The following FAM222B variants were observed in gnomAD, a reference collection of about 807,000 sequenced individuals.
FAM222B encodes family with sequence similarity 222 member B, also known as protein FAM222B.
A neutral mutation model predicts 38.0 loss-of-function variants in FAM222B; 12 were observed. That is an observed-to-expected ratio of 0.32 (90% confidence interval 0.20 to 0.51). FAM222B has a LOEUF of 0.51. Among genes scored for constraint, FAM222B ranks in the 20% least tolerant of loss-of-function variants. The pLI is 0.97. For missense variants in FAM222B, 716 were observed against 754.2 expected (o/e 0.95, Z 0.59); for synonymous variants, 329 against 317.2 (o/e 1.04, Z -0.40).
intron 1 of FAM222B, among the ~76,000 whole-genome samples, chr17:28,850,500 G>C (rs937520591): frequency 2.0e-5 from 3 of 151,830 alleles, no homozygotes; most frequent in African/African-American, 7.3e-5. Flanking sequence ...GAGTTTCACC[G>C]TGTTAGCCAG....
chr17:28,784,491 T>TAAAAAAAAAAAAAAAA lies in FAM222B; in HGVS notation c.-40-17800_-40-17785dup, dbSNP rs559624246. 3.3e-4 allele frequency among the ~76,000 whole-genome samples: 12 copies of TAAAAAAAAAAAAAAAA among 36,048 alleles called. 2 individuals are homozygous for TAAAAAAAAAAAAAAAA. Among genetic ancestry groups the TAAAAAAAAAAAAAAAA allele is most frequent in the Non-Finnish European group, 4.5e-4 (9 of 19,930 alleles). The allele number at this position is 36,048 out of a possible 152,430, so 23.6% of individuals were successfully genotyped here. On this transcript the variant is annotated intron_variant, in intron 1 of 2. Coordinates refer to ENST00000581407, the MANE Select transcript of FAM222B (RefSeq NM_001077498.3). ...AACAACAGAGTAAGATCCCCTCTCT[T>TAAAAAAAAAAAAAAAA]AAAAAAAAAAAAAAAAAAAAAAAAA...
intron 1 of FAM222B, among the ~76,000 whole-genome samples, chr17:28,799,007 A>C (rs2037082679): frequency 7.2e-6 from 1 of 138,336 alleles, no homozygotes; most frequent in African/African-American, 2.7e-5. Context: ...ATGGAGTCTC[A>C]CTCTGTTGAC....
chr17:28,759,836 G>A lies in FAM222B; in HGVS notation c.123C>T (p.Thr41=). 1.9e-6 allele frequency: 3 copies of A among 1,573,192 alleles called. No homozygotes were observed. The highest frequency in any genetic ancestry group is 2.6e-6 in the Non-Finnish European group (3 of 1,159,324). The change falls in exon 3 of 3, where the codon ACC becomes ACT. Residue 41 remains threonine, a synonymous_variant. Transcript: ENST00000581407. The surrounding 1 kb of genome is among the most constrained non-coding windows in gnomAD (Gnocchi z 4.8). The part of the protein sequence containing the change: ...TQKMRTAHYP[T]PAELDAYAKK... ...TAGCATACGCATCCAATTCGGCTGG[G>A]GTAGGATAGTGAGCAGTTCTCATTT...
chr17:28,814,770 C>CTTTTTT (rs35921944), intron 1 of FAM222B, among the ~76,000 whole-genome samples: 2 of 117,604 alleles, frequency 1.7e-5, no homozygotes, highest in Non-Finnish European at 1.7e-5. Flanking sequence ...CCAGGCCGAT[C>CTTTTTT]TTTTTTTTTT....
At chr17:28,853,355 C>A (rs2039196543) in intron 1 of FAM222B, among the ~76,000 whole-genome samples, 1 of 151,260 alleles carries the variant, frequency 6.6e-6, no homozygotes, top group East Asian at 2.0e-4. Flanking sequence ...GAGAGCAAGA[C>A]CCTGTCTCAA....
chr17:28,852,717 A>G (rs1011946082), intron 1 of FAM222B, among the ~76,000 whole-genome samples: 3 of 152,116 alleles, frequency 2.0e-5, no homozygotes, highest in African/African-American at 7.2e-5. Context: ...CTGGTCCTCA[A>G]TATCCAAGGG....
At chr17:28,799,676 T>C (rs2037126720) in intron 1 of FAM222B, among the ~76,000 whole-genome samples, 1 of 152,140 alleles carries the variant, frequency 6.6e-6, no homozygotes. Context: ...TGCACCACTA[T>C]AGCTCACTGC....
intron 1 of FAM222B, among the ~76,000 whole-genome samples, chr17:28,819,855 C>G (rs922768216): frequency 1.3e-5 from 2 of 152,170 alleles, no homozygotes; most frequent in African/African-American, 4.8e-5. Context: ...GCATGTCATT[C>G]AAGGACCCTT....
chr17:28,822,820 AAAAAAAAAAAAAATATAT>A (rs2038288059), intron 1 of FAM222B, among the ~76,000 whole-genome samples: 2 of 100,462 alleles, frequency 2.0e-5, no homozygotes, highest in African/African-American at 4.9e-5. Context: ...AAAAAAAAAA[AAAAAAAAAAAAAATATAT>A]ATATATATAT....
At chr17:28,778,885 A>T (rs528871468) in intron 1 of FAM222B, among the ~76,000 whole-genome samples, 2 of 151,058 alleles carry the variant, frequency 1.3e-5, no homozygotes, top group East Asian at 3.9e-4. Flanking sequence ...ACGTTATATA[A>T]TAGACTTGAG....
rs138442608 is a variant in FAM222B at position 28,772,132 on chromosome 17, C to T, written c.-40-5425G>A. Among the ~76,000 whole-genome samples the T allele has an allele frequency of 8.5e-5, 13 of 152,206 alleles. 1 individual carries two copies. In the South Asian group the frequency reaches 1.4e-3, roughly 17 times the overall value. ...AACCAAAAACCTCAACCTTAAGAAACGTTCACATCTGTATAGCTAATACTC... is the reference window on the plus strand; with the variant it reads ...AACCAAAAACCTCAACCTTAAGAAATGTTCACATCTGTATAGCTAATACTC... On this transcript the variant is annotated intron_variant, in intron 1 of 2. Coordinates refer to ENST00000581407, the MANE Select transcript of FAM222B (RefSeq NM_001077498.3).
chr17:28,844,668 A>G (rs1411745943), upstream of FAM222B, among the ~76,000 whole-genome samples: 3 of 152,256 alleles, frequency 2.0e-5, no homozygotes, highest in African/African-American at 7.2e-5. Context: ...AAAAGAAAAA[A>G]AAATTAAAAA....
chr17:28,822,802 C>CAAAAAA (rs71135859), intron 1 of FAM222B, among the ~76,000 whole-genome samples: 2 of 9,882 alleles, frequency 2.0e-4, no homozygotes, highest in African/African-American at 3.4e-4. Context: ...GACTCCATCT[C>CAAAAAA]AAAAAAAAAA....
intron 1 of FAM222B, among the ~76,000 whole-genome samples, chr17:28,787,038 C>T (rs2036447613): frequency 6.6e-6 from 1 of 151,922 alleles, no homozygotes; most frequent in Non-Finnish European, 1.5e-5. Context: ...CATTCTCCTG[C>T]CTCAGCCTCC....
upstream of FAM222B, among the ~76,000 whole-genome samples, chr17:28,845,833 T>A (rs954882828): frequency 6.6e-5 from 10 of 151,258 alleles, no homozygotes; most frequent in East Asian, 1.4e-3. Flanking sequence ...AGGTGGAGGT[T>A]GTAGTGAGCC....
At chr17:28,846,369 A>T (rs2039146161), upstream of FAM222B, among the ~76,000 whole-genome samples, 1 of 151,808 alleles carries the variant, frequency 6.6e-6, no homozygotes, top group South Asian at 2.1e-4. Context: ...GTGTCTCAAA[A>T]AAATTTTTTT....
At chr17:28,764,754 T>A (rs1038149952) in intron 2 of FAM222B, among the ~76,000 whole-genome samples, 1 of 151,304 alleles carries the variant, frequency 6.6e-6, no homozygotes, top group Non-Finnish European at 1.5e-5. Context: ...CTAAAAAAAA[T>A]AATTAAAAAA....
chr17:28,758,604 G>T lies in FAM222B; in HGVS notation c.1355C>A (p.Pro452His), dbSNP rs758829587. The change falls in exon 3 of 3, where the codon CCC becomes CAC. Residue 452 changes from proline (P) to histidine (H), a missense_variant. Coordinates refer to ENST00000581407, the MANE Select transcript of FAM222B (RefSeq NM_001077498.3). ...LAYPNGHYFQ[P>H]LWNNILPTPN... ...AGTGGGCAGAATGTTGTTCCACAGG[G>T]GTTGGAAGTAGTGACCATTGGGGTA... The T allele has an allele frequency of 9.3e-6, 15 of 1,611,160 alleles. No individual in the cohort carries two copies. The East Asian group carries it at 3.1e-4, about 34-fold the overall frequency.
intron 1 of FAM222B, among the ~76,000 whole-genome samples, chr17:28,814,473 T>C (rs1278537765): frequency 6.6e-6 from 1 of 152,204 alleles, no homozygotes; most frequent in African/African-American, 2.4e-5. Context: ...TTATTTATTT[T>C]TGAGACGGAG....
Sources: allele counts gnomAD v4.1 joint callset (sites outside exome capture counted in the v4.1 genomes callset), GRCh38; gene constraint gnomAD v4.1.1; non-coding constraint Gnocchi (gnomAD v3.1); transcripts MANE v1.5; gene names NCBI Gene and HGNC (gene_info 2026-07-23, HGNC 2026-07-21).